The following AFTPH variants were observed in gnomAD, a reference collection of about 807,000 sequenced individuals.
AFTPH encodes aftiphilin, also known as aftiphilin protein.
A neutral mutation model predicts 72.5 loss-of-function variants in AFTPH; 7 were observed. The ratio of observed to expected loss-of-function variants is 0.10; its 90% CI spans 0.05 to 0.18. The LOEUF is 0.18. AFTPH is among the 10% of genes least tolerant of loss of function. The pLI is 1.00. For missense variants in AFTPH, 979 were observed against 1,060.5 expected, an observed-to-expected ratio of 0.92 and a Z score of 1.07; for synonymous variants, 337 against 370.1, an observed-to-expected ratio of 0.91 and a Z score of 1.03.
At chr2:64,530,716 C>A (rs75992440) in intron 1 of AFTPH, among the ~76,000 whole-genome samples, 6,531 of 152,150 alleles carry the variant, frequency 0.043, 306 homozygotes, top group African/African-American at 0.11. Context: ...GTTGATCTTT[C>A]TTTTACTTAT....
At chr2:64,542,472 C>G (rs1325437851) in intron 1 of AFTPH, among the ~76,000 whole-genome samples, 1 of 152,138 alleles carries the variant, frequency 6.6e-6, no homozygotes, top group Non-Finnish European at 1.5e-5. Context: ...CTTCAAGATA[C>G]CAGTGAGAAC....
chr2:64,591,029 G>A (rs532545814), intron 8 of AFTPH, among the ~76,000 whole-genome samples: 67 of 152,304 alleles, frequency 4.4e-4, no homozygotes, highest in African/African-American at 1.6e-3. Context: ...CGAATAATAT[G>A]TATAACTACT....
intron 2 of AFTPH, among the ~76,000 whole-genome samples, chr2:64,553,777 G>A (rs950724036): frequency 6.8e-6 from 1 of 147,938 alleles, no homozygotes; most frequent in Non-Finnish European, 1.5e-5. Flanking sequence ...ACCCTTTACA[G>A]TGATTTTAAA....
intron 8 of AFTPH, among the ~76,000 whole-genome samples, chr2:64,587,110 G>C (rs998157675): frequency 1.3e-5 from 2 of 152,154 alleles, no homozygotes. Context: ...CTCCTAATTC[G>C]TTAACTCATC....
chr2:64,537,914 C>A (rs1384901167), intron 1 of AFTPH, among the ~76,000 whole-genome samples: 1 of 152,150 alleles, frequency 6.6e-6, no homozygotes, highest in African/African-American at 2.4e-5. Context: ...GTTCCCTCCT[C>A]TTGTATGCTA....
At chr2:64,563,550 G>A (rs1049128137) in intron 2 of AFTPH, among the ~76,000 whole-genome samples, 3 of 151,920 alleles carry the variant, frequency 2.0e-5, no homozygotes, top group Non-Finnish European at 4.4e-5. Flanking sequence ...CTTCTTCTGA[G>A]TATTACATTA....
exon 2 of AFTPH, chr2:64,553,378 G>A (rs1302915610): frequency 6.3e-7 from 1 of 1,598,384 alleles, no homozygotes; most frequent in Non-Finnish European, 8.5e-7. Context: ...GTTGCTAGTG[G>A]CCATTTACAG....
chr2:64,563,110 C>T (rs556525569), intron 2 of AFTPH, among the ~76,000 whole-genome samples: 4 of 152,268 alleles, frequency 2.6e-5, no homozygotes, highest in African/African-American at 7.2e-5. Context: ...TGCATATACT[C>T]TGTATTGAAA....
At chr2:64,553,168 G>A (rs1671153635) in exon 2 of AFTPH, 1 of 1,614,048 alleles carries the variant, frequency 6.2e-7, no homozygotes, top group African/African-American at 1.3e-5. Flanking sequence ...AGTTCAGCTG[G>A]TCCTAGCCAA....
intron 2 of AFTPH, among the ~76,000 whole-genome samples, chr2:64,557,689 T>A (rs972864905): frequency 5.3e-5 from 8 of 152,222 alleles, no homozygotes; most frequent in African/African-American, 1.9e-4. Flanking sequence ...ACTTATTTAG[T>A]CATCTAGCTA....
chr2:64,551,494 G>A (rs1179899621), exon 2 of AFTPH: 4 of 1,613,654 alleles, frequency 2.5e-6, no homozygotes, highest in East Asian at 2.2e-5. Flanking sequence ...GACATCATTC[G>A]AATGTACTCT....
At chr2:64,526,059 A>G (rs970289820) in intron 1 of AFTPH, among the ~76,000 whole-genome samples, 8 of 152,222 alleles carry the variant, frequency 5.3e-5, no homozygotes, top group African/African-American at 1.9e-4. Context: ...TACAATTCAC[A>G]TAATATGTAG....
chr2:64,552,216 A>G, exon 2 of AFTPH: 2 of 1,613,932 alleles, frequency 1.2e-6, no homozygotes, highest in Non-Finnish European at 1.7e-6. Context: ...ATTAGAAGAA[A>G]TAGAATGTGC....
chr2:64,590,571 C>A (rs946170303), intron 8 of AFTPH, among the ~76,000 whole-genome samples: 3 of 152,132 alleles, frequency 2.0e-5, no homozygotes, highest in Non-Finnish European at 2.9e-5. Context: ...CCCCATCAAA[C>A]GTCCACATAA....
chr2:64,578,269 T>A (rs1672943460), intron 6 of AFTPH, among the ~76,000 whole-genome samples: 2 of 151,990 alleles, frequency 1.3e-5, no homozygotes, highest in African/African-American at 2.4e-5. Context: ...CAGAAAAAAA[T>A]ATAAAGTTTT....
At chr2:64,586,649 G>A (rs1052363886) in intron 8 of AFTPH, among the ~76,000 whole-genome samples, 2 of 152,068 alleles carry the variant, frequency 1.3e-5, no homozygotes, top group South Asian at 2.1e-4. Context: ...GAATGGCTTT[G>A]TAGCATGTAA....
At chr2:64,545,797 G>T (rs1454138746) in intron 1 of AFTPH, among the ~76,000 whole-genome samples, 2 of 151,956 alleles carry the variant, frequency 1.3e-5, no homozygotes, top group Admixed American at 6.6e-5. Flanking sequence ...GCAGTTCTGT[G>T]TCTTGATAGT....
chr2:64,540,893 T>C (rs1422967110), intron 1 of AFTPH, among the ~76,000 whole-genome samples: 1 of 152,178 alleles, frequency 6.6e-6, no homozygotes, highest in Non-Finnish European at 1.5e-5. Context: ...TAAAAATCTT[T>C]CCCCTTCCAA....
At chr2:64,528,854 C>T (rs930202663) in intron 1 of AFTPH, among the ~76,000 whole-genome samples, 1 of 152,022 alleles carries the variant, frequency 6.6e-6, no homozygotes, top group African/African-American at 2.4e-5. Context: ...GATGGTAAGT[C>T]ATTGCAGGAT....
Sources: allele counts gnomAD v4.1 joint callset (sites outside exome capture counted in the v4.1 genomes callset), GRCh38; gene constraint gnomAD v4.1.1; transcripts MANE v1.5; gene names NCBI Gene and HGNC (gene_info 2026-07-23, HGNC 2026-07-21).